Variants in NAP1L4 observed in about 807,000 individuals in gnomAD.
NAP1L4 encodes the protein nucleosome assembly protein 1 like 4, also known as nucleosome assembly protein 1-like 4.
In NAP1L4, 15 loss-of-function variants were observed where a neutral mutation model predicts 58.2. The observed-to-expected ratio is 0.26, with a 90% confidence interval of 0.17 to 0.40. NAP1L4 has a LOEUF of 0.40. NAP1L4 is among the 10% of genes least tolerant of loss of function. The pLI, the probability that NAP1L4 is intolerant of heterozygous loss-of-function variation, is 1.00. For synonymous variants in NAP1L4, 171 were observed against 155.6 expected, an observed-to-expected ratio of 1.10 and a Z score of -0.74; for missense variants, 384 against 451.1, an observed-to-expected ratio of 0.85 and a Z score of 1.35.
Position 2,976,080 on chromosome 11 carries a change from T to C in NAP1L4, c.117A>G (p.Ala39=). ...DQVMQNPRVL[A]ALQERLDNVP... is the part of the protein sequence containing the mutation. ...CATTGTCAAGTCGCTCCTGTAAAGC[T>C]GCCAGAACTCGAGGATTCTGCATCA... Residue 39 remains alanine (A), a synonymous_variant, in exon 4 of 16, where the codon GCA becomes GCG. Transcript: ENST00000380542. 6.2e-7 allele frequency: 1 copy of C among 1,614,088 alleles called. No individual in the cohort carries two copies. Among genetic ancestry groups the C allele is most frequent in the Middle Eastern group, 1.6e-4 (1 of 6,062 alleles).
chr11:2,963,907 G>A (rs116269951), intron 8 of NAP1L4: 2 of 519,234 alleles, frequency 3.9e-6, no homozygotes, highest in Non-Finnish European at 7.7e-6. Flanking sequence ...GGGAGAACCA[G>A]GCTGGGATGA....
At chr11:2,974,197 C>T (rs962785681) in intron 4 of NAP1L4, among the ~76,000 whole-genome samples, 7 of 152,026 alleles carry the variant, frequency 4.6e-5, no homozygotes, top group Admixed American at 3.3e-4. Flanking sequence ...TTGTTACATA[C>T]GTATGCATGT....
At chr11:2,982,807 C>T (rs571788839) in intron 1 of NAP1L4, among the ~76,000 whole-genome samples, 9 of 152,066 alleles carry the variant, frequency 5.9e-5, no homozygotes, top group Non-Finnish European at 1.2e-4. Flanking sequence ...CAGATCACGA[C>T]GTGAGGAGTT....
chr11:2,960,028 T>A, intron 8 of NAP1L4, 119 bp from the exon 9 acceptor site: 1 of 1,065,796 alleles, frequency 9.4e-7, no homozygotes, highest in Non-Finnish European at 1.3e-6. Flanking sequence ...GATAGGGCCA[T>A]GAACAAGAAA....
At chr11:2,950,799 A>C (rs1846185607) in intron 14 of NAP1L4, among the ~76,000 whole-genome samples, 1 of 152,208 alleles carries the variant, frequency 6.6e-6, no homozygotes, top group Non-Finnish European at 1.5e-5. Context: ...TGAGATATCT[A>C]GACACATCAT....
At position 2,949,318 on chromosome 11, in the gene NAP1L4, C is replaced by A; in HGVS notation, c.1123-54G>T. ...TGTCAGCATGAAAGAAAATGAAATG[C>A]ACAAAATTATACAGGAGGAAACGGC... On this transcript the variant is annotated intron_variant, in intron 14 of 15. Transcript: ENST00000380542. This position sits in a 1 kb window ranked among gnomAD's most constrained non-coding sequence, Gnocchi z 4.0. The A allele has an allele frequency of 7.0e-7, 1 of 1,437,872 alleles. No individual in the cohort carries two copies. Among genetic ancestry groups the A allele is most frequent in the African/African-American group, 1.4e-5 (1 of 71,244 alleles). 89.1% of individuals were successfully genotyped at this position (1,437,872 alleles called of 1,614,324 possible). A position where few individuals can be genotyped will look rare whatever the true frequency, so the allele number is the denominator to read the frequency against.
At position 2,954,527 on chromosome 11, in the gene NAP1L4, A is replaced by T; in HGVS notation, c.1035T>A (p.Asn345Lys). The change falls in exon 12 of 16, where the codon AAT becomes AAA. Residue 345 changes from asparagine to lysine, a missense_variant and splice_region_variant. Physicochemically the swap from Asn to Lys is moderately conservative, Grantham distance 94. Coordinates refer to ENST00000380542, the MANE Select transcript of NAP1L4 (RefSeq NM_005969.4). The surrounding 1 kb of genome is among the most constrained non-coding windows in gnomAD (Gnocchi z 4.8). The stretch of plus-strand genomic sequence containing the variant: ...AGCCCCCCTTCCCCGAGCCTCATAC[A>T]TTGTCATCATCTTCTATGGCCTCCC... Reference protein sequence around the residue: ...FTGEAIEDDDNFEEGEEGEEE... With the variant: ...FTGEAIEDDDKFEEGEEGEEE... 6.2e-7 allele frequency: 1 copy of T among 1,614,062 alleles called. No homozygotes were observed. Among genetic ancestry groups the T allele is most frequent in the Non-Finnish European group, 8.5e-7 (1 of 1,179,976 alleles).
In NAP1L4 at chr11:2,946,902, A is replaced by C. The variant is rs559650124; in HGVS notation, c.*33-1256T>G. Among the ~76,000 whole-genome samples the C allele has an allele frequency of 5.3e-5, 8 of 152,110 alleles. No homozygotes were observed. The highest frequency in any genetic ancestry group is 1.2e-4 in the Non-Finnish European group (8 of 68,010). On this transcript the variant is annotated intron_variant, in intron 15 of 15. Transcript: ENST00000380542. The surrounding 1 kb of genome is among the most constrained non-coding windows in gnomAD (Gnocchi z 4.8). Reference sequence around the variant, plus strand: ...CTGGCCTTAGGAGTGTGGGGGATGCAGGGCGCCCCGAGCAGGAGCAGTGAG... The same window carrying C: ...CTGGCCTTAGGAGTGTGGGGGATGCCGGGCGCCCCGAGCAGGAGCAGTGAG...
In NAP1L4 at chr11:2,951,755, G is replaced by A. The variant is rs777887910; in HGVS notation, c.1065+25C>T. On this transcript the variant is annotated intron_variant, in intron 13 of 15. Coordinates refer to ENST00000380542, the MANE Select transcript of NAP1L4 (RefSeq NM_005969.4). The surrounding 1 kb of genome is among the most constrained non-coding windows in gnomAD (Gnocchi z 4.0). The stretch of plus-strand genomic sequence containing the variant: ...AAGAAACAACTTCAGGGAGGTAAGT[G>A]GCACTGCATAAACCTGTCTCTTACC... The A allele has an allele frequency of 1.7e-5, 28 of 1,612,494 alleles. No homozygotes were observed. The South Asian group carries it at 3.1e-4, about 18-fold the overall frequency.
Position 2,948,049 on chromosome 11 carries a change from A to G in NAP1L4, c.*32+1178T>C, listed in dbSNP as rs117214306. ...GATTCTCTTCAAAAGAGCTGGTGGC[A>G]TGGGAGGGGTGGCGTGGGAGAGTGG... On this transcript the variant is annotated intron_variant, in intron 15 of 15. Transcript: ENST00000380542. This position sits in a 1 kb window ranked among gnomAD's most constrained non-coding sequence, Gnocchi z 5.1. 0.019 allele frequency among the ~76,000 whole-genome samples: 488 copies of G among 25,912 alleles called. 7 individuals are homozygous for G. The highest frequency in any genetic ancestry group is 0.18 in the East Asian group (215 of 1,222). 17.0% of individuals were successfully genotyped at this position (25,912 alleles called of 152,430 possible).
rs201453436 is a variant in NAP1L4, at chr11:2,951,357, A to G, written c.1066-42T>C. ...AGAATTAGCTGGAATGACAAGATTT[A>G]AACTCTTGTGGCATTCACAATCCAC... On this transcript the variant is annotated intron_variant, in intron 13 of 15. Transcript: ENST00000380542. This position sits in a 1 kb window ranked among gnomAD's most constrained non-coding sequence, Gnocchi z 4.0. 1 of 1,557,572 alleles carries G rather than the reference A, an allele frequency of 6.4e-7. No homozygotes were observed. The highest frequency in any genetic ancestry group is 8.9e-7 in the Non-Finnish European group (1 of 1,128,778).
Position 2,959,926 on chromosome 11 carries a change from A to T in NAP1L4, c.607-17T>A. The T allele has an allele frequency of 6.2e-7, 1 of 1,613,270 alleles. No individual in the cohort carries two copies. Among genetic ancestry groups the T allele is most frequent in the Non-Finnish European group, 8.5e-7 (1 of 1,179,454 alleles). On this transcript the variant is annotated splice_polypyrimidine_tract_variant and intron_variant, in intron 8 of 15. Transcript: ENST00000380542. The surrounding 1 kb of genome is among the most constrained non-coding windows in gnomAD (Gnocchi z 4.9). ...CACAAAAGACTAAAAGTAGAAATTCAGAGTAAGCACCAGTTAAAATAGAAA... is the reference window on the plus strand; with the variant it reads ...CACAAAAGACTAAAAGTAGAAATTCTGAGTAAGCACCAGTTAAAATAGAAA...
In NAP1L4 at chr11:2,959,866, G is replaced by A; in HGVS notation, c.650C>T (p.Thr217Ile). The A allele has an allele frequency of 6.2e-7, 1 of 1,614,180 alleles. No individual in the cohort carries two copies. Among genetic ancestry groups the A allele is most frequent in the Non-Finnish European group, 8.5e-7 (1 of 1,180,018 alleles). ...EFHFEPNDYF[T>I]NSVLTKTYKM... ...GTAGGTTTTTGTCAGGACTGAGTTGGTAAAGTAGTCGTTGGGTTCAAAGTG... is the reference window on the plus strand; with the variant it reads ...GTAGGTTTTTGTCAGGACTGAGTTGATAAAGTAGTCGTTGGGTTCAAAGTG... The change falls in exon 9 of 16, where the codon ACC becomes ATC. Residue 217 changes from threonine to isoleucine, a missense_variant. By Grantham distance (89) the Thr-to-Ile change is moderately conservative. Transcript: ENST00000380542. The surrounding 1 kb of genome is among the most constrained non-coding windows in gnomAD (Gnocchi z 4.9).
rs766813196 is a variant in NAP1L4, at chr11:2,979,199, T to C, written c.14+8A>G. 6.2e-7 allele frequency: 1 copy of C among 1,611,268 alleles called. No individual in the cohort carries two copies. The highest frequency in any genetic ancestry group is 8.5e-7 in the Non-Finnish European group (1 of 1,178,770). Reference sequence around the variant, plus strand: ...AAACTCCAATAAACAAAGTCCACTTTGGCTTACCTGTGATCTGCCATCTGA... The same window carrying C: ...AAACTCCAATAAACAAAGTCCACTTCGGCTTACCTGTGATCTGCCATCTGA... On this transcript the variant is annotated splice_region_variant and intron_variant, in intron 2 of 15. Coordinates refer to ENST00000380542, the MANE Select transcript of NAP1L4 (RefSeq NM_005969.4).
At chr11:2,960,388 G>T (rs1036077341) in intron 8 of NAP1L4, among the ~76,000 whole-genome samples, 38 of 152,186 alleles carry the variant, frequency 2.5e-4, no homozygotes, top group African/African-American at 8.4e-4. Flanking sequence ...CTCCCGGGAG[G>T]TGGGTGGGAG....
intron 8 of NAP1L4, 101 bp downstream of exon 8, chr11:2,964,579 G>T: frequency 1.1e-6 from 1 of 905,636 alleles, no homozygotes. Context: ...ATGAGTGGCT[G>T]GGTGTGGGTT....
chr11:2,962,640 A>G (rs970498051), intron 8 of NAP1L4, among the ~76,000 whole-genome samples: 2 of 152,136 alleles, frequency 1.3e-5, no homozygotes, highest in African/African-American at 2.4e-5. Flanking sequence ...TATTTTCTAC[A>G]TATGACTTTT....
chr11:2,963,782 A>C, intron 8 of NAP1L4: 1 of 519,330 alleles, frequency 1.9e-6, no homozygotes. Context: ...TTTGTCTCCA[A>C]GACCTGAAAC....
chr11:2,991,212 C>T (rs1271546371), intron 1 of NAP1L4: 6 of 443,794 alleles, frequency 1.4e-5, no homozygotes, highest in Non-Finnish European at 2.8e-5. Flanking sequence ...TTACTGGACC[C>T]TAAACATGTC....
Sources: gnomAD v4.1 joint callset for allele counts (sites outside exome capture counted in the v4.1 genomes callset) on GRCh38, gnomAD v4.1.1 for gene constraint, Gnocchi (gnomAD v3.1) non-coding constraint, MANE v1.5 for transcripts, NCBI Gene and HGNC (gene_info 2026-07-23, HGNC 2026-07-21) for gene names.